CCDC88C: variants seen among roughly 807,000 people sequenced by gnomAD.
The protein encoded by CCDC88C is coiled-coil and HOOK domain protein 88C.
In CCDC88C, 131 loss-of-function variants were observed where a neutral mutation model predicts 198.8. The ratio of observed to expected loss-of-function variants is 0.66; its 90% CI spans 0.57 to 0.76. The LOEUF (loss-of-function observed/expected upper bound fraction) is 0.76, where lower values mean the gene tolerates loss of function less well. Ranked by LOEUF, CCDC88C falls within the 30% of genes least tolerant of loss-of-function variation. The pLI, the probability that CCDC88C is intolerant of heterozygous loss-of-function variation, is 0.00. For missense variants in CCDC88C, 2,553 were observed against 2,631.6 expected (o/e 0.97, Z 0.65); for synonymous variants, 1,166 against 1,114.7 (o/e 1.05, Z -0.92).
chr14:91,281,359 T>C, intron 27 of CCDC88C, 98 bp downstream of exon 27: 4 of 1,586,456 alleles, frequency 2.5e-6, no homozygotes, highest in Non-Finnish European at 3.4e-6. Context: ...TCATTTGGTG[T>C]TGGACTCCCG....
At chr14:91,307,496 C>G (rs1321873453) in intron 17 of CCDC88C, among the ~76,000 whole-genome samples, 1 of 152,248 alleles carries the variant, frequency 6.6e-6, no homozygotes, top group Non-Finnish European at 1.5e-5. Flanking sequence ...ATGTGGCTTC[C>G]TGCTTTCCTG....
At chr14:91,388,686 C>T (rs191155857) in intron 3 of CCDC88C, among the ~76,000 whole-genome samples, 4 of 152,200 alleles carry the variant, frequency 2.6e-5, no homozygotes, top group Admixed American at 2.0e-4. Context: ...TAAAAAGGAT[C>T]GAAACACTCA....
At chr14:91,403,971 G>GA (rs1382361849) in intron 3 of CCDC88C, among the ~76,000 whole-genome samples, 1 of 152,224 alleles carries the variant, frequency 6.6e-6, no homozygotes, top group African/African-American at 2.4e-5. Context: ...AGATGAAAAG[G>GA]AGGTTGGCTG....
chr14:91,369,939 A>G (rs892767135), intron 3 of CCDC88C, among the ~76,000 whole-genome samples: 9 of 152,372 alleles, frequency 5.9e-5, no homozygotes, highest in African/African-American at 2.2e-4. Context: ...ACGTCATCAG[A>G]AAACCCCCTC....
At chr14:91,287,044 C>T (rs991739990) in intron 25 of CCDC88C, among the ~76,000 whole-genome samples, 8 of 152,188 alleles carry the variant, frequency 5.3e-5, no homozygotes, top group Non-Finnish European at 7.3e-5. Flanking sequence ...TGCTTGCTCA[C>T]GGATCACTTT....
At chr14:91,397,490 A>G (rs536068377) in intron 3 of CCDC88C, among the ~76,000 whole-genome samples, 1 of 152,186 alleles carries the variant, frequency 6.6e-6, no homozygotes, top group South Asian at 2.1e-4. Flanking sequence ...TCACACTCAT[A>G]CTCACACACA....
At chr14:91,350,555 G>A (rs770756593) in intron 4 of CCDC88C, among the ~76,000 whole-genome samples, 2 of 152,148 alleles carry the variant, frequency 1.3e-5, no homozygotes, top group African/African-American at 4.8e-5. Context: ...AGCAATGGCA[G>A]GCAAGCATCC....
intron 3 of CCDC88C, chr14:91,408,270 T>C (rs1170895341): frequency 4.8e-6 from 1 of 207,460 alleles, no homozygotes; most frequent in Non-Finnish European, 9.9e-6. Flanking sequence ...CCCTCAACCC[T>C]TGAATGGCTC....
At chr14:91,285,730 G>A (rs1890376891) in intron 25 of CCDC88C, 1 of 1,288,950 alleles carries the variant, frequency 7.8e-7, no homozygotes, top group South Asian at 1.2e-5. Context: ...GGATGTCGGA[G>A]GAAGACCAGA....
chr14:91,404,244 A>T (rs1228412655), intron 3 of CCDC88C, among the ~76,000 whole-genome samples: 1 of 151,924 alleles, frequency 6.6e-6, no homozygotes, highest in East Asian at 1.9e-4. Flanking sequence ...CTACCCCCTC[A>T]ACACCCCCTG....
chr14:91,283,414 C>G lies in CCDC88C; in HGVS notation c.4545G>C (p.Leu1515=). 6.2e-7 allele frequency: 1 copy of G among 1,613,686 alleles called. No individual in the cohort carries two copies. Among genetic ancestry groups the G allele is most frequent in the Non-Finnish European group, 8.5e-7 (1 of 1,179,816 alleles). The change falls in exon 26 of 30, where the codon CTG becomes CTC. Residue 1515 remains leucine, a synonymous_variant. Transcript: ENST00000389857. ...CTGAAGTTGAGCAAGTCCGGGAGCC[C>G]AGCTCCGAGGGCCAGGACCTCATGG... is the stretch of plus-strand genomic sequence containing the variant. ...DLAMRSWPSE[L]GSRTCSTSAT...
At chr14:91,397,838 C>A (rs796406043) in intron 3 of CCDC88C, among the ~76,000 whole-genome samples, 4 of 152,338 alleles carry the variant, frequency 2.6e-5, no homozygotes, top group African/African-American at 9.6e-5. Context: ...CCCTGCCAGC[C>A]TTTACAGGAC....
Position 91,273,601 on chromosome 14 carries a change from C to T in CCDC88C, c.5111G>A (p.Ser1704Asn), listed in dbSNP as rs781402428. The T allele has an allele frequency of 6.0e-6, 9 of 1,494,080 alleles. No individual in the cohort carries two copies. The highest frequency in any genetic ancestry group is 5.6e-5 in the African/African-American group (4 of 70,824). 92.6% of individuals were successfully genotyped at this position (1,494,080 alleles called of 1,614,324 possible). ...TTGGCCTCCGATGGCTGGGGGATCG[C>T]TGGCCTTTCGGAAGTAGTCACTCAG... Reference protein sequence around the residue: ...DLLSDYFRKASDPPAIGGQPG... With the variant: ...DLLSDYFRKANDPPAIGGQPG... The change falls in exon 30 of 30, where the codon AGC becomes AAC. Residue 1704 changes from serine (S) to asparagine (N), a missense_variant. Physicochemically the swap from Ser to Asn is conservative, Grantham distance 46. Coordinates refer to ENST00000389857, the MANE Select transcript of CCDC88C (RefSeq NM_001080414.4). This position sits in a 1 kb window ranked among gnomAD's most constrained non-coding sequence, Gnocchi z 5.6.
At chr14:91,316,017 T>C in intron 13 of CCDC88C, 1 of 512,586 alleles carries the variant, frequency 2.0e-6, no homozygotes, top group Non-Finnish European at 3.5e-6. Context: ...CTCTGCCCCA[T>C]CCTTGCTGCC....
chr14:91,298,589 A>C (rs1464631397), intron 21 of CCDC88C, among the ~76,000 whole-genome samples: 1 of 152,068 alleles, frequency 6.6e-6, no homozygotes, highest in African/African-American at 2.4e-5. Context: ...ATCAATACCC[A>C]AACATTCAGG....
intron 12 of CCDC88C, among the ~76,000 whole-genome samples, chr14:91,323,850 G>A (rs566960254): frequency 6.7e-4 from 102 of 152,382 alleles, no homozygotes; most frequent in African/African-American, 2.4e-3. Flanking sequence ...ACTACGCACA[G>A]ATATCAAAGC....
intron 2 of CCDC88C, among the ~76,000 whole-genome samples, chr14:91,414,889 T>C (rs1282021493): frequency 2.0e-5 from 3 of 152,064 alleles, no homozygotes; most frequent in African/African-American, 7.2e-5. Context: ...CCCGGCCGAA[T>C]TTAGCCATGG....
In CCDC88C at chr14:91,325,880, T is replaced by C; in HGVS notation, c.1197+30A>G. Reference sequence around the variant, plus strand: ...CACTGTGCCCGAGCCCAATCTGTTTTCAATGTAGTAACAACACAGCCTGCA... The same window carrying C: ...CACTGTGCCCGAGCCCAATCTGTTTCCAATGTAGTAACAACACAGCCTGCA... On this transcript the variant is annotated intron_variant, in intron 11 of 29. Coordinates refer to ENST00000389857, the MANE Select transcript of CCDC88C (RefSeq NM_001080414.4). The surrounding 1 kb of genome is among the most constrained non-coding windows in gnomAD (Gnocchi z 4.1). 1 of 1,543,554 alleles carries C rather than the reference T, an allele frequency of 6.5e-7. No individual in the cohort carries two copies. Among genetic ancestry groups the C allele is most frequent in the Non-Finnish European group, 8.8e-7 (1 of 1,141,034 alleles).
chr14:91,366,610 T>C (rs1473180769), intron 3 of CCDC88C, among the ~76,000 whole-genome samples: 1 of 152,206 alleles, frequency 6.6e-6, no homozygotes, highest in Admixed American at 6.5e-5. Context: ...AGATGAGGAA[T>C]GAAGTAGATT....
Sources: gnomAD v4.1 joint callset for allele counts (sites outside exome capture counted in the v4.1 genomes callset) on GRCh38, gnomAD v4.1.1 for gene constraint, Gnocchi (gnomAD v3.1) non-coding constraint, MANE v1.5 for transcripts, NCBI Gene and HGNC (gene_info 2026-07-23, HGNC 2026-07-21) for gene names.